Variants in ANO1 observed in about 807,000 individuals in gnomAD.
ANO1 encodes the protein anoctamin-1.
In ANO1, 59 loss-of-function variants were observed where a neutral mutation model predicts 124.0. The ratio of observed to expected loss-of-function variants is 0.48; its 90% CI spans 0.39 to 0.59. ANO1 has a LOEUF of 0.59. Ranked by LOEUF, ANO1 falls within the 20% of genes least tolerant of loss-of-function variation. The pLI is 0.00. For missense variants in ANO1, 1,059 were observed against 1,328.0 expected (o/e 0.80, Z 3.15); for synonymous variants, 529 against 532.0 (o/e 0.99, Z 0.08).
rs1206446763 is a variant in ANO1 at position 70,087,985 on chromosome 11, G to A, written c.342G>A (p.Glu114=). 2 of 1,570,122 alleles carry A rather than the reference G, an allele frequency of 1.3e-6. No homozygotes were observed. Among genetic ancestry groups the A allele is most frequent in the Non-Finnish European group, 1.7e-6 (2 of 1,157,068 alleles). Residue 114 remains glutamate, a synonymous_variant, in exon 2 of 26, where the codon GAG becomes GAA. Coordinates refer to ENST00000355303, the MANE Select transcript of ANO1 (RefSeq NM_018043.7). ...KGASLDAGSG[E]PPMDYHEDDK... The stretch of plus-strand genomic sequence containing the variant: ...CGTCGCTGGATGCAGGCTCGGGGGA[G>A]CCCCCGATGGACTACCACGAGGATG...
chr11:70,087,995 G>T lies in ANO1; in HGVS notation c.352G>T (p.Asp118Tyr). ...LDAGSGEPPM[D>Y]YHEDDKRFRR... ...TGCAGGCTCGGGGGAGCCCCCGATG[G>T]ACTACCACGAGGATGACAAGCGCTT... Residue 118 changes from aspartate (D) to tyrosine (Y), a missense_variant, in exon 2 of 26, where the codon GAC becomes TAC. This residue lies in a region of ANO1 where 250 missense variants were observed against 233.1 expected (regional missense o/e 1.07). Transcript: ENST00000355303. 1 of 1,562,692 alleles carries T rather than the reference G, an allele frequency of 6.4e-7. No homozygotes were observed. Among genetic ancestry groups the T allele is most frequent in the Middle Eastern group, 1.7e-4 (1 of 5,882 alleles).
chr11:70,108,510 G>C, intron 6 of ANO1, 106 bp downstream of exon 6: 2 of 1,310,482 alleles, frequency 1.5e-6, no homozygotes, highest in Non-Finnish European at 2.2e-6. Flanking sequence ...GTGTTTAAGA[G>C]GGTTTTGATT....
intron 23 of ANO1, among the ~76,000 whole-genome samples, chr11:70,181,966 C>T (rs1210269360): frequency 6.6e-6 from 1 of 152,144 alleles, no homozygotes; most frequent in Non-Finnish European, 1.5e-5. Flanking sequence ...TGCCCAAGGC[C>T]ACACAGCCAT....
intron 1 of ANO1, among the ~76,000 whole-genome samples, chr11:70,082,330 T>C (rs2044225162): frequency 6.6e-6 from 1 of 152,178 alleles, no homozygotes; most frequent in Non-Finnish European, 1.5e-5. Context: ...AGGCCGAGGC[T>C]GGTGGATCAC....
At chr11:70,050,250 G>A (rs1857331574) in intron 1 of ANO1, among the ~76,000 whole-genome samples, 1 of 152,216 alleles carries the variant, frequency 6.6e-6, no homozygotes, top group African/African-American at 2.4e-5. Flanking sequence ...TGGTAACAGA[G>A]CTGTTTAGTA....
At chr11:70,110,185 T>C (rs2135399327) in intron 6 of ANO1, among the ~76,000 whole-genome samples, 1 of 47,938 alleles carries the variant, frequency 2.1e-5, no homozygotes, top group Non-Finnish European at 4.9e-5. Context: ...GTTCACTTTC[T>C]TTTTTTTTTT....
intron 1 of ANO1, among the ~76,000 whole-genome samples, chr11:70,028,608 C>A (rs1297065124): frequency 6.6e-6 from 1 of 152,106 alleles, no homozygotes; most frequent in Non-Finnish European, 1.5e-5. Flanking sequence ...GCTCCCCAAC[C>A]CCCACCACAC....
intron 1 of ANO1, among the ~76,000 whole-genome samples, chr11:70,059,261 G>A (rs1857513399): frequency 1.4e-5 from 2 of 144,562 alleles, no homozygotes; most frequent in Admixed American, 1.5e-4. Flanking sequence ...TGAGGCAGGA[G>A]AATGGCATGA....
upstream of ANO1, chr11:70,075,368 C>T (rs1447971445): frequency 1.3e-5 from 2 of 151,974 alleles, no homozygotes; most frequent in Non-Finnish European, 2.9e-5. Flanking sequence ...GCAAAGTGCT[C>T]GCTTCGGCAG....
intron 9 of ANO1, among the ~76,000 whole-genome samples, chr11:70,125,793 G>A (rs1232885191): frequency 1.3e-5 from 2 of 150,324 alleles, no homozygotes; most frequent in East Asian, 2.0e-4. Context: ...GCAGTGAGCC[G>A]AGATAGCGCC....
chr11:70,122,502 C>T (rs1014775700), intron 8 of ANO1, among the ~76,000 whole-genome samples: 7 of 150,230 alleles, frequency 4.7e-5, no homozygotes, highest in African/African-American at 1.7e-4. Context: ...GTCTCTCTCT[C>T]CGTCTCCCTC....
At chr11:70,004,298 G>GTA (rs1856442675) in intron 1 of ANO1, among the ~76,000 whole-genome samples, 1 of 152,194 alleles carries the variant, frequency 6.6e-6, no homozygotes, top group South Asian at 2.1e-4. Context: ...GAGAGAGTGT[G>GTA]TGCAAAAAGA....
chr11:70,113,250 C>T (rs1467501169), intron 7 of ANO1, among the ~76,000 whole-genome samples: 1 of 152,124 alleles, frequency 6.6e-6, no homozygotes, highest in Admixed American at 6.6e-5. Flanking sequence ...AAGACACCAC[C>T]GTCTGACCAC....
At chr11:70,131,358 C>T (rs916392749) in intron 10 of ANO1, among the ~76,000 whole-genome samples, 2 of 152,100 alleles carry the variant, frequency 1.3e-5, no homozygotes, top group Non-Finnish European at 2.9e-5. Context: ...GATGGAGTCT[C>T]GCTCTGTCAC....
At chr11:70,014,723 C>G (rs1465947771) in intron 1 of ANO1, 1 of 152,154 alleles carries the variant, frequency 6.6e-6, no homozygotes, top group Non-Finnish European at 1.5e-5. Context: ...GATACCTCGC[C>G]GTTTTCCAAA....
At chr11:70,157,286 G>A (rs1156486369) in intron 16 of ANO1, among the ~76,000 whole-genome samples, 1 of 148,706 alleles carries the variant, frequency 6.7e-6, no homozygotes, top group Non-Finnish European at 1.5e-5. Flanking sequence ...ACAATTGCTT[G>A]AACCCGGGAG....
At chr11:69,966,847 C>T in the ANO1 span, among the ~76,000 whole-genome samples, 2 of 152,292 alleles carry the variant, frequency 1.3e-5, no homozygotes, top group African/African-American at 4.8e-5. Context: ...CCAAGGTGGG[C>T]AGGGCCTGAC....
chr11:70,103,181 C>A lies in ANO1; in HGVS notation c.540+17C>A. The A allele has an allele frequency of 6.3e-7, 1 of 1,597,048 alleles. No individual in the cohort carries two copies. The highest frequency in any genetic ancestry group is 1.1e-5 in the South Asian group (1 of 88,174). On this transcript the variant is annotated intron_variant, in intron 3 of 25. Transcript: ENST00000355303. ...ACGAAGAAGGTTGGTGTTGATGGTC[C>A]TGCTCCGAAATGAATCGCCAAGTCT... is the stretch of plus-strand genomic sequence containing the variant.
At position 70,137,956 on chromosome 11, in the gene ANO1, G is replaced by A. The variant is rs146290842; in HGVS notation, c.1258+5877G>A. On this transcript the variant is annotated intron_variant, in intron 11 of 25. Coordinates refer to ENST00000355303, the MANE Select transcript of ANO1 (RefSeq NM_018043.7). ...TGTTGCTTTTTGAAATTTTGAAAACGTAGCCTTGGGTCCTAGGAGATTGAG... is the reference window on the plus strand; with the variant it reads ...TGTTGCTTTTTGAAATTTTGAAAACATAGCCTTGGGTCCTAGGAGATTGAG... Among the ~76,000 whole-genome samples the A allele has an allele frequency of 3.1e-3, 458 of 147,836 alleles. 17 individuals carry two copies. Among genetic ancestry groups the A allele is most frequent in the African/African-American group, 0.011 (435 of 41,378 alleles).
Sources: gnomAD v4.1 joint callset for allele counts (sites outside exome capture counted in the v4.1 genomes callset) on GRCh38, gnomAD v4.1.1 for gene constraint, gnomAD v4.1.1 regional missense constraint, MANE v1.5 for transcripts, NCBI Gene and HGNC (gene_info 2026-07-23, HGNC 2026-07-21) for gene names.